NSRP1: variants seen among roughly 807,000 people sequenced by gnomAD.
NSRP1 encodes the protein coiled-coil domain containing 55.
NSRP1 carries 24 observed loss-of-function variants against 54.7 expected under a neutral mutation model. The ratio of observed to expected loss-of-function variants is 0.44; its 90% confidence interval spans 0.32 to 0.62. The LOEUF (loss-of-function observed/expected upper bound fraction) is 0.62. NSRP1 is among the 20% of genes least tolerant of loss of function. The probability of loss-of-function intolerance (pLI) is 0.06; values close to 1 mark genes in which losing one functional copy is unlikely to be tolerated. For synonymous variants in NSRP1, 210 were observed against 213.8 expected, an observed-to-expected ratio of 0.98 and a Z score of 0.15; for missense variants, 596 against 651.2, an observed-to-expected ratio of 0.92 and a Z score of 0.92.
In NSRP1 at chr17:30,179,241, A is replaced by T. The variant is rs777955554; in HGVS notation, c.452A>T (p.Lys151Ile). 1 of 1,607,876 alleles carries T rather than the reference A, an allele frequency of 6.2e-7. No homozygotes were observed. The highest frequency in any genetic ancestry group is 2.2e-5 in the East Asian group (1 of 44,820). Residue 151 changes from lysine (K) to isoleucine (I), a missense_variant, in exon 5 of 7, where the codon AAA becomes ATA. Physicochemically the swap from Lys to Ile is moderately radical, Grantham distance 102 (BLOSUM62 -3). Coordinates refer to ENST00000247026, the MANE Select transcript of NSRP1 (RefSeq NM_032141.4). ...TTTGTGACATCTGCATATAAGAAAA[A>T]ACTGCAAGAGAGAGCTGAAGAAGAA... ...EAFVTSAYKK[K>I]LQERAEEEER... is the part of the protein sequence containing the mutation.
At chr17:30,138,594 T>C (rs938734093) in intron 2 of NSRP1, among the ~76,000 whole-genome samples, 11 of 151,352 alleles carry the variant, frequency 7.3e-5, no homozygotes, top group African/African-American at 2.2e-4. Flanking sequence ...GTACAGGCAG[T>C]TTTTTTTTCC....
At chr17:30,174,286 C>T (rs1057158847) in intron 3 of NSRP1, among the ~76,000 whole-genome samples, 20 of 152,158 alleles carry the variant, frequency 1.3e-4, no homozygotes, top group African/African-American at 4.8e-4. Flanking sequence ...GCTGCTACAA[C>T]TCTTACACCT....
chr17:30,141,073 G>A (rs576265129), intron 2 of NSRP1, among the ~76,000 whole-genome samples: 76 of 152,284 alleles, frequency 5.0e-4, no homozygotes, highest in African/African-American at 1.6e-3. Context: ...CTCCTGCTTT[G>A]ACTTCCCAAA....
chr17:30,128,081 C>T, intron 2 of NSRP1: 1 of 367,376 alleles, frequency 2.7e-6, no homozygotes, highest in East Asian at 3.9e-5. Flanking sequence ...TCAAGTGATC[C>T]ACCTGCTTTG....
chr17:30,127,085 C>T (rs2071656810), intron 2 of NSRP1, among the ~76,000 whole-genome samples: 1 of 152,128 alleles, frequency 6.6e-6, no homozygotes, highest in Non-Finnish European at 1.5e-5. Flanking sequence ...ATTTTATTTA[C>T]AAAAATGGAG....
intron 2 of NSRP1, among the ~76,000 whole-genome samples, chr17:30,164,857 T>C (rs1223951564): frequency 2.6e-5 from 4 of 152,152 alleles, no homozygotes; most frequent in Non-Finnish European, 5.9e-5. Flanking sequence ...CACTGCAAAC[T>C]GGTCCTCAGG....
intron 2 of NSRP1, among the ~76,000 whole-genome samples, chr17:30,146,766 A>C (rs549904937): frequency 6.6e-6 from 1 of 152,188 alleles, no homozygotes; most frequent in South Asian, 2.1e-4. Context: ...CACCATGCCC[A>C]GCTAATTTTT....
At position 30,184,859 on chromosome 17, in the gene NSRP1, C is replaced by T. The variant is rs2143011391; in HGVS notation, c.862C>T (p.His288Tyr). ...CTTCAAGCACCACAGGAGTCAAAAC[C>T]ACTCTCGGTCACCTAGTGAAGAAAG... ...NDFKHHRSQNHSRSPSEERGH... is the reference protein window; with the variant it reads ...NDFKHHRSQNYSRSPSEERGH... Residue 288 changes from histidine (H) to tyrosine (Y), a missense_variant, in exon 7 of 7, where the codon CAC becomes TAC. Physicochemically the swap from His to Tyr is moderately conservative, Grantham distance 83. Coordinates refer to ENST00000247026, the MANE Select transcript of NSRP1 (RefSeq NM_032141.4). The T allele has an allele frequency of 6.2e-7, 1 of 1,614,098 alleles. No individual in the cohort carries two copies. Among genetic ancestry groups the T allele is most frequent in the Non-Finnish European group, 8.5e-7 (1 of 1,180,020 alleles).
At chr17:30,130,709 G>A (rs1469505813) in intron 2 of NSRP1, among the ~76,000 whole-genome samples, 1 of 152,078 alleles carries the variant, frequency 6.6e-6, no homozygotes, top group African/African-American at 2.4e-5. Context: ...CTACTGGAGA[G>A]TATATAGCCT....
chr17:30,165,403 C>A (rs1424938512), intron 2 of NSRP1, among the ~76,000 whole-genome samples: 1 of 152,176 alleles, frequency 6.6e-6, no homozygotes, highest in Non-Finnish European at 1.5e-5. Context: ...GTACTCTATG[C>A]AACTTACTAA....
chr17:30,176,734 G>A (rs1355713496), intron 3 of NSRP1, among the ~76,000 whole-genome samples: 2 of 151,820 alleles, frequency 1.3e-5, no homozygotes, highest in Non-Finnish European at 2.9e-5. Context: ...TTTGGGGAGT[G>A]AGCAGGAGTG....
chr17:30,160,673 C>G (rs922909899), intron 2 of NSRP1, among the ~76,000 whole-genome samples: 21 of 151,866 alleles, frequency 1.4e-4, no homozygotes, highest in Admixed American at 2.6e-4. Flanking sequence ...TGTTTGAGTT[C>G]TTGGTTGGTC....
chr17:30,120,094 T>C (rs999684411), intron 2 of NSRP1, among the ~76,000 whole-genome samples: 2 of 152,162 alleles, frequency 1.3e-5, no homozygotes, highest in Admixed American at 6.6e-5. Context: ...CATATTTCTA[T>C]CACTAGATTA....
chr17:30,128,943 G>T (rs2071675897), intron 2 of NSRP1, among the ~76,000 whole-genome samples: 1 of 150,208 alleles, frequency 6.7e-6, no homozygotes, highest in African/African-American at 2.4e-5. Context: ...AATTTGTAGA[G>T]ATGGGGGTCT....
chr17:30,138,018 C>A (rs2071765340), intron 2 of NSRP1, among the ~76,000 whole-genome samples: 1 of 152,166 alleles, frequency 6.6e-6, no homozygotes, highest in Non-Finnish European at 1.5e-5. Flanking sequence ...CCCCTTCCCC[C>A]AGTGCCCTGC....
At position 30,170,005 on chromosome 17, in the gene NSRP1, T is replaced by G. The variant is rs140244602; in HGVS notation, c.115-2537T>G. On this transcript the variant is annotated intron_variant, in intron 2 of 6. Transcript: ENST00000247026. Reference sequence around the variant, plus strand: ...GTATATTTAAGACTTCGTTTTTTTTTAAACAGCAGTTTTAGACTGACAGCA... The same window carrying G: ...GTATATTTAAGACTTCGTTTTTTTTGAAACAGCAGTTTTAGACTGACAGCA... Among the ~76,000 whole-genome samples, 4 of 152,238 alleles carry G rather than the reference T, an allele frequency of 2.6e-5. No individual in the cohort carries two copies. The East Asian group carries it at 7.7e-4, about 29-fold the overall frequency.
intron 2 of NSRP1, chr17:30,156,719 A>G (rs369761648): frequency 6.6e-6 from 1 of 152,104 alleles, no homozygotes; most frequent in Non-Finnish European, 1.5e-5. Context: ...GGGTTTCTCC[A>G]TGTTGATCAG....
intron 2 of NSRP1, among the ~76,000 whole-genome samples, chr17:30,134,608 A>G (rs2071732169): frequency 6.6e-6 from 1 of 152,222 alleles, no homozygotes; most frequent in Admixed American, 6.5e-5. Context: ...CTAGGGTGTC[A>G]AGAAGTTAAC....
intron 2 of NSRP1, among the ~76,000 whole-genome samples, chr17:30,120,598 G>T (rs1047888614): frequency 6.6e-6 from 1 of 152,140 alleles, no homozygotes; most frequent in Non-Finnish European, 1.5e-5. Context: ...GGGGAAGACA[G>T]ACATGTGAAC....
Sources: allele counts gnomAD v4.1 joint callset (sites outside exome capture counted in the v4.1 genomes callset), GRCh38; gene constraint gnomAD v4.1.1; transcripts MANE v1.5; gene names NCBI Gene and HGNC (gene_info 2026-07-23, HGNC 2026-07-21).